PTPRT: variants seen among roughly 807,000 people sequenced by gnomAD.
PTPRT encodes protein tyrosine phosphatase receptor type T, also known as receptor-type tyrosine-protein phosphatase T.
In PTPRT, 56 loss-of-function variants were observed where a neutral mutation model predicts 176.8. The ratio of observed to expected loss-of-function variants is 0.32; its 90% CI spans 0.26 to 0.40. PTPRT has a LOEUF of 0.40. PTPRT is among the 10% of genes least tolerant of loss of function. The probability of loss-of-function intolerance (pLI) is 1.00; values close to 1 mark genes in which losing one functional copy is unlikely to be tolerated. For missense variants in PTPRT, 1,540 were observed against 1,908.2 expected, an observed-to-expected ratio of 0.81 and a Z score of 3.60; for synonymous variants, 783 against 739.0, an observed-to-expected ratio of 1.06 and a Z score of -0.96.
At chr20:42,771,960 A>C (rs1439616915) in intron 4 of PTPRT, among the ~76,000 whole-genome samples, 4 of 152,216 alleles carry the variant, frequency 2.6e-5, no homozygotes, top group Non-Finnish European at 1.5e-5. Context: ...GGCATTGCAC[A>C]AAAGGTGAAA....
chr20:42,151,415 G>A (rs1989126888), intron 17 of PTPRT, among the ~76,000 whole-genome samples: 1 of 152,052 alleles, frequency 6.6e-6, no homozygotes, highest in African/African-American at 2.4e-5. Flanking sequence ...TTCTGTTCTT[G>A]TGTTAGTTTG....
chr20:42,616,258 C>T (rs1600477562), intron 7 of PTPRT, among the ~76,000 whole-genome samples: 1 of 122,768 alleles, frequency 8.1e-6, no homozygotes, highest in Non-Finnish European at 1.7e-5. Context: ...AGATATGCAG[C>T]GTTATTTCTG....
At chr20:42,719,165 A>G (rs1256659218) in intron 6 of PTPRT, among the ~76,000 whole-genome samples, 1 of 152,238 alleles carries the variant, frequency 6.6e-6, no homozygotes, top group East Asian at 1.9e-4. Context: ...ATCCACAGGA[A>G]TAACTCCAAC....
chr20:42,797,950 G>A (rs920344089), intron 2 of PTPRT, among the ~76,000 whole-genome samples: 1 of 152,198 alleles, frequency 6.6e-6, no homozygotes, highest in African/African-American at 2.4e-5. Flanking sequence ...CTGATACCTT[G>A]AATGTACCCC....
chr20:42,534,228 C>A (rs1415382117), intron 7 of PTPRT, among the ~76,000 whole-genome samples: 1 of 152,178 alleles, frequency 6.6e-6, no homozygotes, highest in East Asian at 1.9e-4. Flanking sequence ...GGAGCTTTCA[C>A]CAAACCAGTG....
At chr20:43,073,066 A>G (rs950804790) in intron 1 of PTPRT, among the ~76,000 whole-genome samples, 2 of 152,204 alleles carry the variant, frequency 1.3e-5, no homozygotes, top group African/African-American at 4.8e-5. Context: ...GTCCCTTGCA[A>G]GTCCACAAAA....
At chr20:43,141,046 G>C (rs2013988059) in intron 1 of PTPRT, among the ~76,000 whole-genome samples, 1 of 152,158 alleles carries the variant, frequency 6.6e-6, no homozygotes, top group South Asian at 2.1e-4. Context: ...CAAATGCCAG[G>C]CTGATAATCT....
At chr20:43,083,408 T>A (rs189399025) in intron 1 of PTPRT, among the ~76,000 whole-genome samples, 4,112 of 141,140 alleles carry the variant, frequency 0.029, 253 homozygotes, top group African/African-American at 0.1. Context: ...TGGCCCAGGC[T>A]GTAGTGCAGT....
intron 1 of PTPRT, among the ~76,000 whole-genome samples, chr20:43,028,726 G>A (rs576607212): frequency 2.6e-5 from 4 of 152,212 alleles, no homozygotes; most frequent in Non-Finnish European, 5.9e-5. Flanking sequence ...CCTAGGGGCT[G>A]AAGACAGAGT....
the PTPRT span, among the ~76,000 whole-genome samples, chr20:42,061,622 A>C: frequency 6.6e-6 from 1 of 152,168 alleles, no homozygotes; most frequent in Non-Finnish European, 1.5e-5. Context: ...ACAACCTCAT[A>C]AAAAGTCGTT....
chr20:42,711,523 G>A (rs2076144406), intron 6 of PTPRT, among the ~76,000 whole-genome samples: 1 of 152,146 alleles, frequency 6.6e-6, no homozygotes, highest in Non-Finnish European at 1.5e-5. Context: ...CTTCCACCAT[G>A]ATTGGAAGCC....
chr20:43,122,265 T>C (rs2013287933), intron 1 of PTPRT, among the ~76,000 whole-genome samples: 1 of 152,224 alleles, frequency 6.6e-6, no homozygotes, highest in South Asian at 2.1e-4. Context: ...CCCAGTCCAG[T>C]GCCTGGCAGG....
At chr20:43,091,788 G>T (rs1414773536) in intron 1 of PTPRT, among the ~76,000 whole-genome samples, 1 of 152,120 alleles carries the variant, frequency 6.6e-6, no homozygotes, top group Admixed American at 6.6e-5. Context: ...CCAGGAGGAA[G>T]GTAGGAGAGC....
intron 2 of PTPRT, among the ~76,000 whole-genome samples, chr20:42,845,454 T>C (rs2078353257): frequency 6.6e-6 from 1 of 152,228 alleles, no homozygotes; most frequent in South Asian, 2.1e-4. Flanking sequence ...TGCATGTGTT[T>C]CTGTGTGTGC....
intron 12 of PTPRT, among the ~76,000 whole-genome samples, chr20:42,305,864 C>T (rs1362515319): frequency 6.6e-6 from 1 of 152,160 alleles, no homozygotes; most frequent in East Asian, 1.9e-4. Context: ...AGAAGTTTCT[C>T]TACTTTTTCA....
At chr20:43,170,241 T>G (rs1054901846) in intron 1 of PTPRT, among the ~76,000 whole-genome samples, 1 of 152,094 alleles carries the variant, frequency 6.6e-6, no homozygotes, top group African/African-American at 2.4e-5. Context: ...ATTTCCACAC[T>G]ATTTATTCAC....
chr20:42,497,558 T>C lies in PTPRT; in HGVS notation c.1154-24996A>G, dbSNP rs80083650. On this transcript the variant is annotated intron_variant, in intron 7 of 30. Coordinates refer to ENST00000373187, the MANE Select transcript of PTPRT (RefSeq NM_007050.6). ...TCAGACTTCCAAGTAGCTGAGATTA[T>C]AGGCACCCAACATTGTACCAGGCTC... Among the ~76,000 whole-genome samples the C allele has an allele frequency of 7.6e-3, 1,156 of 152,184 alleles. 21 individuals are homozygous for C. Among genetic ancestry groups the C allele is most frequent in the African/African-American group, 0.027 (1,114 of 41,532 alleles).
intron 7 of PTPRT, among the ~76,000 whole-genome samples, chr20:42,530,650 T>C (rs2072365848): frequency 6.6e-6 from 1 of 152,216 alleles, no homozygotes. Flanking sequence ...TGAACTTGCA[T>C]GTGCTTCTCC....
At chr20:42,777,946 T>C (rs562639833) in intron 4 of PTPRT, among the ~76,000 whole-genome samples, 1 of 152,276 alleles carries the variant, frequency 6.6e-6, no homozygotes, top group East Asian at 1.9e-4. Flanking sequence ...GCCTCAACAC[T>C]GAGGTTGAAC....
Sources: gnomAD v4.1 joint callset for allele counts (sites outside exome capture counted in the v4.1 genomes callset) on GRCh38, gnomAD v4.1.1 for gene constraint, MANE v1.5 for transcripts, NCBI Gene and HGNC (gene_info 2026-07-23, HGNC 2026-07-21) for gene names.